Variants in MTUS2 observed in about 807,000 individuals in gnomAD.
MTUS2 encodes microtubule-associated tumor suppressor candidate 2.
MTUS2 carries 40 observed loss-of-function variants against 114.1 expected under a neutral mutation model. That is an observed-to-expected ratio of 0.35 (90% CI 0.27 to 0.46). The LOEUF (loss-of-function observed/expected upper bound fraction) is 0.46, where lower values mean the gene tolerates loss of function less well. Among genes scored for constraint, MTUS2 ranks in the 20% least tolerant of loss-of-function variants. The pLI is 1.00. For synonymous variants in MTUS2, 688 were observed against 672.0 expected (o/e 1.02, Z -0.37); for missense variants, 1,679 against 1,705.4 (o/e 0.98, Z 0.27).
chr13:28,862,112 A>T (rs1180197343), intron 2 of MTUS2, among the ~76,000 whole-genome samples: 1 of 152,194 alleles, frequency 6.6e-6, no homozygotes, highest in African/African-American at 2.4e-5. Flanking sequence ...GGCCTCACAC[A>T]TGAATAGAAA....
chr13:29,102,706 A>C (rs539432871), intron 5 of MTUS2, among the ~76,000 whole-genome samples: 4 of 152,224 alleles, frequency 2.6e-5, no homozygotes, highest in Non-Finnish European at 5.9e-5. Flanking sequence ...TTCACCAATA[A>C]ATCACAGAAA....
chr13:29,464,258 C>A (rs764948078), intron 9 of MTUS2, among the ~76,000 whole-genome samples: 6 of 152,224 alleles, frequency 3.9e-5, no homozygotes, highest in Non-Finnish European at 7.3e-5. Flanking sequence ...GGATGAGAAG[C>A]TGAAGGCGGA....
chr13:29,232,497 A>C (rs1042316249), intron 5 of MTUS2, among the ~76,000 whole-genome samples: 6 of 152,208 alleles, frequency 3.9e-5, no homozygotes, highest in Middle Eastern at 3.4e-3. Flanking sequence ...CAGACTCTGG[A>C]CTCCCGACTC....
chr13:29,310,143 G>A (rs1471774269), intron 6 of MTUS2, among the ~76,000 whole-genome samples: 1 of 152,078 alleles, frequency 6.6e-6, no homozygotes, highest in East Asian at 1.9e-4. Flanking sequence ...TTAGTTTTAT[G>A]CTAAGCGCTC....
At chr13:29,419,948 T>G (rs914966054) in intron 8 of MTUS2, among the ~76,000 whole-genome samples, 1 of 152,216 alleles carries the variant, frequency 6.6e-6, no homozygotes, top group Non-Finnish European at 1.5e-5. Context: ...CTGATGAGTA[T>G]CCAATGCTGA....
Position 29,025,305 on chromosome 13 carries a change from C to A in MTUS2, c.607C>A (p.Arg203=). 1.2e-6 allele frequency: 2 copies of A among 1,613,912 alleles called. No homozygotes were observed. The highest frequency in any genetic ancestry group is 1.1e-5 in the South Asian group (1 of 91,080). The change falls in exon 3 of 16, where the codon CGG becomes AGG. Residue 203 remains arginine, a synonymous_variant. Coordinates refer to ENST00000612955, the MANE Select transcript of MTUS2 (RefSeq NM_001033602.4). The part of the protein sequence containing the change: ...QHPQPLSLDS[R]EARGQIPGGG... ...TCCACAGCCTCTATCCCTCGACTCC[C>A]GGGAAGCACGGGGTCAGATACCTGG...
chr13:28,888,918 A>G (rs993819553), intron 2 of MTUS2, among the ~76,000 whole-genome samples: 7 of 152,208 alleles, frequency 4.6e-5, no homozygotes, highest in African/African-American at 1.7e-4. Flanking sequence ...AGGGTAAGGG[A>G]CAACCCAAAT....
rs753212487 is a variant in MTUS2 at position 29,498,496 on chromosome 13, A to G, written c.3757A>G (p.Ile1253Val). ...KQVLEMKNQQ[I>V]HEQEKKILEL... ...GGTATTAGAAATGAAGAATCAGCAA[A>G]TACACGAGCAAGAAAAGAAGATTCT... Residue 1253 changes from isoleucine (I) to valine (V), a missense_variant, in exon 14 of 16, where the codon ATA (isoleucine) becomes GTA (valine). Ile to Val is a conservative substitution (Grantham distance 29, BLOSUM62 3). This residue lies in a region of MTUS2 where 822 missense variants were observed against 899.7 expected (regional missense o/e 0.91). Transcript: ENST00000612955. The G allele has an allele frequency of 5.3e-5, 85 of 1,614,104 alleles. No individual in the cohort carries two copies. The highest frequency in any genetic ancestry group is 1.6e-4 in the Middle Eastern group (1 of 6,084).
chr13:29,438,584 T>C (rs1593443761), intron 8 of MTUS2, among the ~76,000 whole-genome samples: 1 of 152,108 alleles, frequency 6.6e-6, no homozygotes, highest in East Asian at 1.9e-4. Context: ...TCCACCCTCA[T>C]GACCTGATCA....
chr13:29,391,282 G>A (rs1254709267), intron 8 of MTUS2, among the ~76,000 whole-genome samples: 3 of 152,160 alleles, frequency 2.0e-5, no homozygotes, highest in South Asian at 2.1e-4. Flanking sequence ...TAGAGACAGG[G>A]TTTCACCATG....
intron 8 of MTUS2, among the ~76,000 whole-genome samples, chr13:29,389,443 GTATGTA>G: frequency 1.2e-5 from 1 of 81,254 alleles, no homozygotes; most frequent in South Asian, 4.6e-4. Context: ...GTGTGTATGT[GTATGTA>G]TACACGTGTG....
chr13:28,836,048 T>C (rs1217616674), intron 1 of MTUS2, among the ~76,000 whole-genome samples: 1 of 152,192 alleles, frequency 6.6e-6, no homozygotes, highest in African/African-American at 2.4e-5. Flanking sequence ...CTTTATAGGG[T>C]ATATTTCTGT....
At chr13:29,176,721 C>T (rs1893789252) in intron 5 of MTUS2, among the ~76,000 whole-genome samples, 1 of 144,982 alleles carries the variant, frequency 6.9e-6, no homozygotes, top group Non-Finnish European at 1.5e-5. Flanking sequence ...ACAGGCCACA[C>T]CTCTTAATAC....
chr13:29,445,919 AAGAG>A (rs1477689709), intron 9 of MTUS2, among the ~76,000 whole-genome samples: 4 of 151,776 alleles, frequency 2.6e-5, no homozygotes, highest in East Asian at 3.9e-4. Flanking sequence ...AAAAAAAAAA[AAGAG>A]AGAGTTTATA....
At chr13:29,398,679 G>C (rs146963470) in intron 8 of MTUS2, among the ~76,000 whole-genome samples, 3 of 152,120 alleles carry the variant, frequency 2.0e-5, no homozygotes, top group African/African-American at 7.2e-5. Flanking sequence ...TAGAGGAATG[G>C]ATTCTCAAAC....
At chr13:29,379,173 G>A (rs1165978666) in intron 8 of MTUS2, among the ~76,000 whole-genome samples, 2 of 152,162 alleles carry the variant, frequency 1.3e-5, no homozygotes, top group East Asian at 1.9e-4. Flanking sequence ...CCAGTCTCAG[G>A]TATTCACAGC....
At chr13:29,385,205 C>T (rs1255910993) in intron 8 of MTUS2, among the ~76,000 whole-genome samples, 2 of 152,216 alleles carry the variant, frequency 1.3e-5, no homozygotes, top group African/African-American at 4.8e-5. Context: ...ACCACAATAC[C>T]AGCACAACCC....
chr13:29,065,783 C>T (rs1366757549), intron 4 of MTUS2, among the ~76,000 whole-genome samples: 1 of 152,184 alleles, frequency 6.6e-6, no homozygotes, highest in Non-Finnish European at 1.5e-5. Flanking sequence ...CTATACCTCT[C>T]TTAGCCTCAC....
intron 15 of MTUS2, among the ~76,000 whole-genome samples, chr13:29,501,607 C>G (rs1882906567): frequency 6.6e-6 from 1 of 152,156 alleles, no homozygotes; most frequent in Non-Finnish European, 1.5e-5. Flanking sequence ...CTCTGAGGTG[C>G]CCCAGCTTTC....
Sources: allele counts gnomAD v4.1 joint callset (sites outside exome capture counted in the v4.1 genomes callset), GRCh38; gene constraint gnomAD v4.1.1; regional missense constraint gnomAD v4.1.1; transcripts MANE v1.5; gene names NCBI Gene and HGNC (gene_info 2026-07-23, HGNC 2026-07-21).